The following VCL variants were observed in gnomAD, a reference collection of about 807,000 sequenced individuals.
VCL encodes epididymis luminal protein 114.
Under a neutral mutation model 125.7 loss-of-function variants are expected in VCL, and 47 were observed. The ratio of observed to expected loss-of-function variants is 0.37; its 90% confidence interval spans 0.30 to 0.48. The LOEUF is 0.48. Ranked by LOEUF, VCL falls within the 20% of genes least tolerant of loss-of-function variation. VCL has a pLI of 0.99. For synonymous variants in VCL, 458 were observed against 514.6 expected, an observed-to-expected ratio of 0.89 and a Z score of 1.49; for missense variants, 1,069 against 1,455.5, an observed-to-expected ratio of 0.73 and a Z score of 4.32.
Position 74,109,006 on chromosome 10 carries a change from G to A in VCL, c.2595G>A (p.Leu865=), listed in dbSNP as rs760592370. Residue 865 remains leucine (L), a synonymous_variant, in exon 18 of 22, where the codon CTG becomes CTA. Coordinates refer to ENST00000211998, the MANE Select transcript of VCL (RefSeq NM_014000.3). ...TDELAPPKPP[L]PEGEVPPPRP... is the part of the protein sequence containing the mutation. ...AGCTTGCTCCTCCCAAACCACCTCT[G>A]CCTGAAGGTGAGGTCCCTCCACCTA... 1.9e-6 allele frequency: 3 copies of A among 1,614,042 alleles called. No individual in the cohort carries two copies. The African/African-American group carries it at 4.0e-5, about 22-fold the overall frequency.
chr10:74,101,615 G>A (rs1325898745), intron 14 of VCL, among the ~76,000 whole-genome samples: 2 of 143,860 alleles, frequency 1.4e-5, no homozygotes, highest in Non-Finnish European at 1.5e-5. Flanking sequence ...GACTGCAGTG[G>A]CGCAATCTCG....
At chr10:74,104,572 GGT>G (rs1158722985) in intron 15 of VCL, among the ~76,000 whole-genome samples, 1 of 152,092 alleles carries the variant, frequency 6.6e-6, no homozygotes, top group Non-Finnish European at 1.5e-5. Flanking sequence ...GAACTCCTGA[GGT>G]GTCTGAAGAG....
chr10:74,005,244 T>G (rs1840300188), intron 1 of VCL: 1 of 152,034 alleles, frequency 6.6e-6, no homozygotes, highest in African/African-American at 2.4e-5. Flanking sequence ...TATAGATAGA[T>G]ATATGTATTT....
At chr10:74,042,850 TGAA>T (rs1406628032) in intron 1 of VCL, among the ~76,000 whole-genome samples, 2 of 152,234 alleles carry the variant, frequency 1.3e-5, no homozygotes, top group Non-Finnish European at 1.5e-5. Context: ...TTAGTTATTC[TGAA>T]GAAGGAGTAA....
At chr10:74,111,699 C>T (rs1192836177) in intron 18 of VCL, among the ~76,000 whole-genome samples, 1 of 152,132 alleles carries the variant, frequency 6.6e-6, no homozygotes, top group Non-Finnish European at 1.5e-5. Flanking sequence ...CCCTTTTCTT[C>T]TCTCACCACA....
At chr10:74,065,396 C>T (rs1841552911) in intron 2 of VCL, among the ~76,000 whole-genome samples, 1 of 152,066 alleles carries the variant, frequency 6.6e-6, no homozygotes, top group African/African-American at 2.4e-5. Flanking sequence ...CTCGGCCTCC[C>T]AGAGTGCTGG....
chr10:74,032,410 G>T (rs376715686), intron 1 of VCL, among the ~76,000 whole-genome samples: 9 of 151,916 alleles, frequency 5.9e-5, no homozygotes, highest in South Asian at 4.2e-4. Flanking sequence ...CAAAATATTG[G>T]CAAGGGGCCA....
At chr10:74,107,089 C>T (rs1386456371) in intron 16 of VCL, 141 bp from the exon 17 acceptor site, 3 of 1,368,186 alleles carry the variant, frequency 2.2e-6, no homozygotes, top group African/African-American at 2.9e-5. Context: ...TCCTGCCTCC[C>T]CCCTTCTTCA....
At chr10:74,017,082 C>G (rs1439317318) in intron 1 of VCL, among the ~76,000 whole-genome samples, 2 of 119,034 alleles carry the variant, frequency 1.7e-5, no homozygotes, top group East Asian at 5.0e-4. Context: ...GAGTCTCGCT[C>G]TGTCGCCCAG....
At chr10:74,012,372 A>T (rs1840451735) in intron 1 of VCL, among the ~76,000 whole-genome samples, 1 of 152,232 alleles carries the variant, frequency 6.6e-6, no homozygotes, top group Non-Finnish European at 1.5e-5. Context: ...CCAGCTATGC[A>T]CATTGCTAGG....
At chr10:74,020,635 G>A (rs554969098) in intron 1 of VCL, among the ~76,000 whole-genome samples, 1 of 152,176 alleles carries the variant, frequency 6.6e-6, no homozygotes, top group East Asian at 1.9e-4. Context: ...GAGCTCAGGA[G>A]TTTGAGAGCA....
At chr10:74,094,119 TA>T in intron 10 of VCL, 151 bp from the exon 11 acceptor site, 1 of 852,000 alleles carries the variant, frequency 1.2e-6, no homozygotes, top group Non-Finnish European at 1.8e-6. Context: ...ATTTCTTATG[TA>T]AGGGCCAAAT....
intron 1 of VCL, among the ~76,000 whole-genome samples, chr10:74,017,700 T>C (rs1010499586): frequency 7.3e-5 from 11 of 150,516 alleles, no homozygotes; most frequent in Non-Finnish European, 1.2e-4. Context: ...CTACTACAGG[T>C]GCATGCCACC....
At chr10:74,050,932 A>ATTTTTTTT (rs10607921) in intron 2 of VCL, among the ~76,000 whole-genome samples, 2 of 77,440 alleles carry the variant, frequency 2.6e-5, no homozygotes, top group African/African-American at 5.2e-5. Flanking sequence ...GTACTACTGT[A>ATTTTTTTT]TTTTTTTTTT....
chr10:74,096,525 ATGC>A (rs750121524), intron 12 of VCL, among the ~76,000 whole-genome samples: 2 of 152,188 alleles, frequency 1.3e-5, no homozygotes, highest in Non-Finnish European at 2.9e-5. Context: ...CAGCTAGTTT[ATGC>A]TGCCCACCTT....
chr10:74,012,338 A>G lies in VCL; in HGVS notation c.168+13963A>G, dbSNP rs143916091. Among the ~76,000 whole-genome samples the G allele has an allele frequency of 1.6e-4, 24 of 152,326 alleles. No individual in the cohort carries two copies. The East Asian group carries it at 2.7e-3, about 17-fold the overall frequency. On this transcript the variant is annotated intron_variant, in intron 1 of 21. Coordinates refer to ENST00000211998, the MANE Select transcript of VCL (RefSeq NM_014000.3). ...ATTTCTCATTCTACAATTCTCCCCA[A>G]ATAGTAAAGTTACTTGTCAAACTCC... is the stretch of plus-strand genomic sequence containing the variant.
chr10:74,087,605 C>T (rs1403313432), intron 8 of VCL, among the ~76,000 whole-genome samples: 1 of 149,144 alleles, frequency 6.7e-6, no homozygotes, highest in Non-Finnish European at 1.5e-5. Flanking sequence ...CGTGATCCGC[C>T]CACCTTGGCC....
At chr10:74,046,679 C>T (rs958319628) in intron 2 of VCL, among the ~76,000 whole-genome samples, 4 of 152,164 alleles carry the variant, frequency 2.6e-5, no homozygotes, top group Admixed American at 6.5e-5. Context: ...ATACAGAGCA[C>T]GGGGAATGAG....
At chr10:74,042,838 A>G (rs1004581487) in intron 1 of VCL, among the ~76,000 whole-genome samples, 1 of 152,156 alleles carries the variant, frequency 6.6e-6, no homozygotes, top group Admixed American at 6.6e-5. Context: ...AATGCTTTCA[A>G]ATTAGTTATT....
Sources: allele counts gnomAD v4.1 joint callset (sites outside exome capture counted in the v4.1 genomes callset), GRCh38; gene constraint gnomAD v4.1.1; transcripts MANE v1.5; gene names NCBI Gene and HGNC (gene_info 2026-07-23, HGNC 2026-07-21).